SCHIP1: variants seen among roughly 807,000 people sequenced by gnomAD.
SCHIP1 encodes the protein schwannomin interacting protein 1, also known as schwannomin-interacting protein 1.
SCHIP1 carries 8 observed loss-of-function variants against 29.7 expected under a neutral mutation model. The observed-to-expected ratio is 0.27, with a 90% CI of 0.16 to 0.49. The LOEUF (loss-of-function observed/expected upper bound fraction) is 0.49. SCHIP1 is among the 20% of genes least tolerant of loss of function. The pLI is 0.99. For missense variants in SCHIP1, 193 were observed against 294.6 expected, an observed-to-expected ratio of 0.66 and a Z score of 2.52; for synonymous variants, 76 against 94.9, an observed-to-expected ratio of 0.80 and a Z score of 1.16.
At chr3:159,841,887 T>G (rs1009219010) in intron 1 of SCHIP1, among the ~76,000 whole-genome samples, 10 of 152,326 alleles carry the variant, frequency 6.6e-5, no homozygotes, top group African/African-American at 2.4e-4. Context: ...TGCATGGGAT[T>G]TTATAGTAGA....
chr3:159,420,579 T>C, the SCHIP1 span, among the ~76,000 whole-genome samples: 2 of 152,114 alleles, frequency 1.3e-5, no homozygotes, highest in South Asian at 2.1e-4. Context: ...CCATTGAGAA[T>C]AGGAGGGAAA....
chr3:159,380,156 G>A, the SCHIP1 span, among the ~76,000 whole-genome samples: 1 of 152,158 alleles, frequency 6.6e-6, no homozygotes, highest in South Asian at 2.1e-4. Context: ...GGAAATATTT[G>A]TGAAGTTCTT....
chr3:159,498,102 G>A, the SCHIP1 span, among the ~76,000 whole-genome samples: 4 of 152,100 alleles, frequency 2.6e-5, no homozygotes, highest in Non-Finnish European at 5.9e-5. Flanking sequence ...ATAAATAATT[G>A]TCAAAGGAAA....
chr3:159,643,429 A>T, the SCHIP1 span, among the ~76,000 whole-genome samples: 23 of 152,058 alleles, frequency 1.5e-4, no homozygotes, highest in African/African-American at 5.5e-4. Flanking sequence ...GTACCAACAG[A>T]CTCATTTACA....
At chr3:159,573,782 A>C in the SCHIP1 span, among the ~76,000 whole-genome samples, 1 of 152,050 alleles carries the variant, frequency 6.6e-6, no homozygotes, top group African/African-American at 2.4e-5. Context: ...ATATAGTCCC[A>C]TATTTCTTGG....
chr3:159,759,232 C>T, the SCHIP1 span, among the ~76,000 whole-genome samples: 1 of 151,942 alleles, frequency 6.6e-6, no homozygotes, highest in Non-Finnish European at 1.5e-5. Context: ...ACATAGAATC[C>T]ATCTCCAAAG....
the SCHIP1 span, among the ~76,000 whole-genome samples, chr3:159,403,342 A>T: frequency 6.6e-6 from 1 of 152,186 alleles, no homozygotes. Flanking sequence ...CAGATAAGCA[A>T]CCACACTACC....
At chr3:159,852,619 A>G (rs1712794994) in intron 1 of SCHIP1, among the ~76,000 whole-genome samples, 2 of 152,152 alleles carry the variant, frequency 1.3e-5, no homozygotes, top group Non-Finnish European at 1.5e-5. Flanking sequence ...CTTGAATTTT[A>G]AAGAAAAGTT....
At chr3:159,393,215 C>A in the SCHIP1 span, among the ~76,000 whole-genome samples, 2 of 151,988 alleles carry the variant, frequency 1.3e-5, no homozygotes, top group African/African-American at 2.4e-5. Context: ...GGATATTAGC[C>A]CTTTGTCAGA....
chr3:159,314,560 C>T, the SCHIP1 span, among the ~76,000 whole-genome samples: 2 of 152,140 alleles, frequency 1.3e-5, no homozygotes, highest in South Asian at 2.1e-4. Context: ...AGATAGTTCA[C>T]CTTCTACCTC....
the SCHIP1 span, among the ~76,000 whole-genome samples, chr3:159,295,095 A>G: frequency 6.6e-6 from 1 of 152,008 alleles, no homozygotes; most frequent in East Asian, 1.9e-4. Flanking sequence ...CAAACCTCAC[A>G]TAAAAGAAGA....
the SCHIP1 span, among the ~76,000 whole-genome samples, chr3:159,761,089 G>C: frequency 3.3e-5 from 5 of 152,240 alleles, no homozygotes. Flanking sequence ...GGGTGGAGGA[G>C]GAGAAACAGT....
the SCHIP1 span, among the ~76,000 whole-genome samples, chr3:159,436,000 C>A: frequency 1.9e-4 from 29 of 152,206 alleles, no homozygotes; most frequent in African/African-American, 6.3e-4. Context: ...ATAAGAACCT[C>A]CTAAGTGTGT....
the SCHIP1 span, among the ~76,000 whole-genome samples, chr3:159,286,474 T>A: frequency 2.6e-5 from 4 of 152,224 alleles, no homozygotes; most frequent in African/African-American, 7.2e-5. Flanking sequence ...AGTCTACTAT[T>A]GACAGGCATT....
At chr3:159,742,250 C>T in the SCHIP1 span, among the ~76,000 whole-genome samples, 4 of 152,088 alleles carry the variant, frequency 2.6e-5, no homozygotes, top group African/African-American at 4.8e-5. Flanking sequence ...CAGTTGATTG[C>T]GCTTCTTCCT....
At chr3:159,751,362 G>T in the SCHIP1 span, among the ~76,000 whole-genome samples, 200 of 152,252 alleles carry the variant, frequency 1.3e-3, 1 homozygote, top group South Asian at 4.3e-3. Flanking sequence ...GAAAAAGTTT[G>T]CCAACCTCTC....
the SCHIP1 span, among the ~76,000 whole-genome samples, chr3:159,646,151 T>TG: frequency 1.3e-5 from 2 of 152,134 alleles, no homozygotes; most frequent in Non-Finnish European, 2.9e-5. Context: ...CTCTGATCCA[T>TG]GGGGGAATTC....
the SCHIP1 span, among the ~76,000 whole-genome samples, chr3:159,723,557 A>G: frequency 2.0e-5 from 3 of 152,212 alleles, no homozygotes; most frequent in Non-Finnish European, 4.4e-5. Flanking sequence ...TGCTTCACAT[A>G]CTAGGTCAGA....
intron 1 of SCHIP1, among the ~76,000 whole-genome samples, chr3:159,847,517 T>G (rs936216887): frequency 6.6e-6 from 1 of 152,066 alleles, no homozygotes; most frequent in Admixed American, 6.6e-5. Flanking sequence ...GAGGCCTAAG[T>G]GACAATCAGT....
Sources: allele counts gnomAD v4.1 joint callset (sites outside exome capture counted in the v4.1 genomes callset), GRCh38; gene constraint gnomAD v4.1.1; transcripts MANE v1.5; gene names NCBI Gene and HGNC (gene_info 2026-07-23, HGNC 2026-07-21).